The following PIGN variants were observed in gnomAD, a reference collection of about 807,000 sequenced individuals.
PIGN encodes the protein phosphatidylinositol glycan anchor biosynthesis class N.
In PIGN, 117 loss-of-function variants were observed where a neutral mutation model predicts 125.4. The ratio of observed to expected loss-of-function variants is 0.93; its 90% CI spans 0.80 to 1.09. PIGN has a LOEUF of 1.09. PIGN is among the 50% of genes least tolerant of loss of function. PIGN has a pLI of 0.00. For missense variants in PIGN, 1,075 were observed against 1,094.9 expected (o/e 0.98, Z 0.26); for synonymous variants, 392 against 377.8 (o/e 1.04, Z -0.44).
At chr18:62,084,664 T>C (rs534733415) in intron 26 of PIGN, 58 bp from the exon 27 acceptor site, 2 of 1,054,204 alleles carry the variant, frequency 1.9e-6, no homozygotes, top group African/African-American at 1.6e-5. Context: ...TTTAAAAGAA[T>C]ATTCTTCTAA....
At chr18:62,178,611 A>G (rs994823614) in intron 1 of PIGN, among the ~76,000 whole-genome samples, 2 of 150,974 alleles carry the variant, frequency 1.3e-5, no homozygotes, top group African/African-American at 2.4e-5. Flanking sequence ...AAAAAAAAAA[A>G]AAGAAGAAGA....
At chr18:62,180,794 T>C (rs1234785374) in intron 1 of PIGN, among the ~76,000 whole-genome samples, 1 of 152,180 alleles carries the variant, frequency 6.6e-6, no homozygotes, top group African/African-American at 2.4e-5. Context: ...TATATAAATG[T>C]TGTTCATAGG....
At chr18:62,037,422 C>A (rs2030275294), downstream of PIGN, among the ~76,000 whole-genome samples, 1 of 152,264 alleles carries the variant, frequency 6.6e-6, no homozygotes, top group Non-Finnish European at 1.5e-5. Context: ...CACATGAAAG[C>A]CCCTCAGTGG....
At chr18:62,130,839 A>G (rs1233706383) in intron 14 of PIGN, among the ~76,000 whole-genome samples, 1 of 152,164 alleles carries the variant, frequency 6.6e-6, no homozygotes, top group Non-Finnish European at 1.5e-5. Flanking sequence ...AAAGGGAAAA[A>G]TATTTTAAGA....
chr18:62,119,040 T>C (rs2146710935), intron 14 of PIGN, among the ~76,000 whole-genome samples: 1 of 151,400 alleles, frequency 6.6e-6, no homozygotes, highest in East Asian at 1.9e-4. Flanking sequence ...GAAGAAAGGT[T>C]CTAGATACTA....
chr18:62,094,803 T>C (rs538297697), intron 23 of PIGN, among the ~76,000 whole-genome samples: 2 of 152,224 alleles, frequency 1.3e-5, no homozygotes, highest in East Asian at 3.9e-4. Context: ...GGCCCACATC[T>C]GGTTAGGCAG....
intron 7 of PIGN, chr18:62,153,736 T>C (rs1338948229): frequency 6.6e-6 from 1 of 152,174 alleles, no homozygotes; most frequent in Non-Finnish European, 1.5e-5. Context: ...GCACTTAATT[T>C]CTGCTAAGCA....
intron 28 of PIGN, among the ~76,000 whole-genome samples, chr18:62,078,479 C>T (rs1422409532): frequency 6.6e-6 from 1 of 152,192 alleles, no homozygotes; most frequent in Non-Finnish European, 1.5e-5. Context: ...ACGCACACTG[C>T]CTCCCTATGG....
intron 29 of PIGN, 101 bp from the exon 30 acceptor site, chr18:62,072,826 A>G (rs948024780): frequency 6.3e-6 from 5 of 791,348 alleles, no homozygotes; most frequent in Admixed American, 2.9e-5. Context: ...TCTGACTCTA[A>G]GAATCACTAT....
chr18:62,020,650 T>C (rs1318538952), intron 23 of PIGN, among the ~76,000 whole-genome samples: 1 of 151,814 alleles, frequency 6.6e-6, no homozygotes, highest in Non-Finnish European at 1.5e-5. Flanking sequence ...ATTAGAATGG[T>C]TAAAATTTTT....
chr18:62,074,785 C>T lies in PIGN; in HGVS notation c.2613G>A (p.Met871Ile). Reference sequence around the variant, plus strand: ...CTACCCAGTAATGCCTTACCAAAGCCATAATGTCTGATATGACGAGAACAA... The same window carrying T: ...CTACCCAGTAATGCCTTACCAAAGCTATAATGTCTGATATGACGAGAACAA... Reference protein sequence around the residue: ...FLIVLVISDIMALHFFFLVKD... With the variant: ...FLIVLVISDIIALHFFFLVKD... The change falls in exon 29 of 31, where the codon ATG becomes ATA. Residue 871 changes from methionine (M) to isoleucine (I), a missense_variant. Physicochemically the swap from Met to Ile is conservative, Grantham distance 10 (BLOSUM62 1). Around this residue, in one of 3 missense-constraint regions of PIGN, gnomAD observed 915 missense variants for 908.7 expected, o/e 1.01. Coordinates refer to ENST00000640252, the MANE Select transcript of PIGN (RefSeq NM_176787.5). The T allele has an allele frequency of 6.2e-7, 1 of 1,603,332 alleles. No homozygotes were observed. The highest frequency in any genetic ancestry group is 8.5e-7 in the Non-Finnish European group (1 of 1,171,782).
chr18:62,183,001 G>A (rs1230384901), intron 1 of PIGN, among the ~76,000 whole-genome samples: 1 of 152,194 alleles, frequency 6.6e-6, no homozygotes, highest in Non-Finnish European at 1.5e-5. Flanking sequence ...GAGTTAGATA[G>A]AAGGAATAAG....
At chr18:62,103,413 C>T (rs2034521756) in intron 20 of PIGN, among the ~76,000 whole-genome samples, 1 of 150,412 alleles carries the variant, frequency 6.6e-6, no homozygotes, top group Non-Finnish European at 1.5e-5. Context: ...GTATTTTCCT[C>T]AGCTGCTCCT....
At chr18:62,131,486 C>G (rs1269033628) in intron 14 of PIGN, among the ~76,000 whole-genome samples, 4 of 152,062 alleles carry the variant, frequency 2.6e-5, no homozygotes, top group African/African-American at 9.7e-5. Flanking sequence ...TATGCCTCTC[C>G]TGGTCATGTA....
At chr18:62,093,551 T>C (rs1322589424) in intron 23 of PIGN, among the ~76,000 whole-genome samples, 1 of 151,970 alleles carries the variant, frequency 6.6e-6, no homozygotes, top group African/African-American at 2.4e-5. Flanking sequence ...GCAAAGAAAA[T>C]TTCAAAGGGA....
chr18:62,151,151 A>T lies in PIGN; in HGVS notation c.550-2813T>A, dbSNP rs547194972. 8.5e-5 allele frequency among the ~76,000 whole-genome samples: 13 copies of T among 152,318 alleles called. No individual in the cohort carries two copies. The East Asian group carries it at 2.5e-3, about 29-fold the overall frequency. ...GTTATATCCCAATAAACCCATCCTA[A>T]ATTGAAACTATTGTAGGTCAAAAAT... On this transcript the variant is annotated intron_variant, in intron 7 of 30. Transcript: ENST00000640252.
chr18:62,095,735 C>A lies in PIGN; in HGVS notation c.2180+113G>T, dbSNP rs1407709142. 13 of 647,246 alleles carry A rather than the reference C, an allele frequency of 2.0e-5. No individual in the cohort carries two copies. The Admixed American group carries it at 3.4e-4, about 17-fold the overall frequency. The allele number at this position is 647,246 out of a possible 1,614,324, so 40.1% of individuals were successfully genotyped here. On this transcript the variant is annotated intron_variant, in intron 23 of 30. Coordinates refer to ENST00000640252, the MANE Select transcript of PIGN (RefSeq NM_176787.5). ...AGAAGAAAATATTTATAATGTATCC[C>A]TCAAGATTTAGAAAACATTTTTTAT...
intron 1 of PIGN, among the ~76,000 whole-genome samples, chr18:62,174,041 C>T (rs746951820): frequency 2.6e-5 from 4 of 152,038 alleles, no homozygotes; most frequent in African/African-American, 9.7e-5. Flanking sequence ...TGGTGAAACC[C>T]CATCTCTACT....
chr18:62,091,946 T>C (rs1568165643), intron 23 of PIGN, among the ~76,000 whole-genome samples: 2 of 152,316 alleles, frequency 1.3e-5, no homozygotes. Context: ...CAAAGCCTTA[T>C]TTCCTTTTTG....
Sources: allele counts gnomAD v4.1 joint callset (sites outside exome capture counted in the v4.1 genomes callset), GRCh38; gene constraint gnomAD v4.1.1; regional missense constraint gnomAD v4.1.1; transcripts MANE v1.5; gene names NCBI Gene and HGNC (gene_info 2026-07-23, HGNC 2026-07-21).